IL1RAPL2: variants seen among roughly 807,000 people sequenced by gnomAD.
The protein encoded by IL1RAPL2 is X-linked interleukin-1 receptor accessory protein-like 2.
A neutral mutation model predicts 44.1 loss-of-function variants in IL1RAPL2; 3 were observed. That is an observed-to-expected ratio of 0.07 (90% confidence interval 0.03 to 0.18). IL1RAPL2 has a LOEUF of 0.18. Ranked by LOEUF, IL1RAPL2 falls within the 10% of genes least tolerant of loss-of-function variation. The pLI is 1.00. For missense variants in IL1RAPL2, 391 were observed against 496.4 expected (o/e 0.79, Z 2.02); for synonymous variants, 181 against 178.8 (o/e 1.01, Z -0.10).
At chrX:105,547,081 C>A (rs1446531929) in intron 6 of IL1RAPL2, among the ~76,000 whole-genome samples, 2 of 112,179 alleles carry the variant, frequency 1.8e-5, no homozygotes, top group Non-Finnish European at 3.8e-5. Flanking sequence ...ATACCTCCTG[C>A]AGTCTGTACA....
At chrX:104,936,135 A>G (rs780077054) in intron 2 of IL1RAPL2, among the ~76,000 whole-genome samples, 166 of 111,617 alleles carry the variant, frequency 1.5e-3, no homozygotes, top group Middle Eastern at 9.2e-3. Flanking sequence ...TTTCAAAAGC[A>G]CCATTACCTG....
At chrX:104,922,756 A>T (rs1053629054) in intron 2 of IL1RAPL2, among the ~76,000 whole-genome samples, 2 of 111,743 alleles carry the variant, frequency 1.8e-5, no homozygotes, top group East Asian at 5.7e-4. Context: ...ATGAAAAAAC[A>T]TAACGTTTTG....
chrX:105,233,765 A>G (rs781835243), intron 3 of IL1RAPL2, 53 bp from the exon 4 acceptor site: 237 of 1,013,529 alleles, frequency 2.3e-4, no homozygotes, highest in Non-Finnish European at 3.1e-4. Context: ...TAGAGCACAA[A>G]CAAAGTTGTA....
At chrX:105,544,006 G>A (rs1380744450) in intron 6 of IL1RAPL2, among the ~76,000 whole-genome samples, 1 of 111,713 alleles carries the variant, frequency 9.0e-6, no homozygotes, top group Non-Finnish European at 1.9e-5. Flanking sequence ...TCATTTTGGG[G>A]AAAATTGCCA....
At chrX:104,672,544 C>G (rs1187048904) in intron 2 of IL1RAPL2, among the ~76,000 whole-genome samples, 1 of 103,593 alleles carries the variant, frequency 9.7e-6, no homozygotes, top group African/African-American at 3.5e-5. Flanking sequence ...GTGAATAATG[C>G]CGCAATAAAC....
At chrX:105,531,854 A>G (rs2036639246) in intron 6 of IL1RAPL2, among the ~76,000 whole-genome samples, 2 of 111,746 alleles carry the variant, frequency 1.8e-5, no homozygotes, top group South Asian at 7.5e-4. Flanking sequence ...TTTTCCAGCA[A>G]CAGGTTCACT....
chrX:105,224,256 T>A (rs782705935), intron 3 of IL1RAPL2, among the ~76,000 whole-genome samples: 3 of 110,711 alleles, frequency 2.7e-5, no homozygotes, highest in Non-Finnish European at 5.7e-5. Context: ...TAAGGAGAAA[T>A]TTGGAAGGTA....
chrX:105,347,512 G>T (rs1230814323), intron 5 of IL1RAPL2, among the ~76,000 whole-genome samples: 1 of 108,884 alleles, frequency 9.2e-6, no homozygotes. Flanking sequence ...TTTTTTGTTG[G>T]AGTATTGTAA....
At chrX:105,735,617 A>AT (rs2038441267) in intron 7 of IL1RAPL2, among the ~76,000 whole-genome samples, 1 of 111,271 alleles carries the variant, frequency 9.0e-6, no homozygotes, top group Non-Finnish European at 1.9e-5. Context: ...TTTCTTAAGC[A>AT]TTTTTTGGAT....
intron 2 of IL1RAPL2, among the ~76,000 whole-genome samples, chrX:105,025,377 A>C (rs1305532597): frequency 2.7e-5 from 3 of 111,448 alleles, no homozygotes; most frequent in Non-Finnish European, 5.7e-5. Context: ...TGCCCTCTAA[A>C]TAATTAGACT....
At chrX:105,188,710 A>G (rs2033610555) in intron 2 of IL1RAPL2, among the ~76,000 whole-genome samples, 1 of 112,217 alleles carries the variant, frequency 8.9e-6, no homozygotes, top group African/African-American at 3.2e-5. Flanking sequence ...TTCATAAAAT[A>G]TGTAAACTGA....
intron 5 of IL1RAPL2, among the ~76,000 whole-genome samples, chrX:105,342,270 T>C (rs113362977): frequency 0.13 from 14,384 of 110,058 alleles, 2,306 homozygotes; most frequent in African/African-American, 0.45. Flanking sequence ...GTAACAAACC[T>C]GCACGTTGTG....
intron 4 of IL1RAPL2, among the ~76,000 whole-genome samples, chrX:105,247,582 AGT>A (rs201231418): frequency 0.023 from 2,125 of 92,550 alleles, 71 homozygotes; most frequent in African/African-American, 0.099. Context: ...ATAGAATAGA[AGT>A]GTGTGTGTAT....
chrX:105,181,804 C>G (rs1301159893), intron 2 of IL1RAPL2, among the ~76,000 whole-genome samples: 1 of 111,104 alleles, frequency 9.0e-6, no homozygotes, highest in East Asian at 2.8e-4. Flanking sequence ...GTGGCTCACG[C>G]CTGTAATCCC....
chrX:104,890,425 G>A (rs888250853), intron 2 of IL1RAPL2, among the ~76,000 whole-genome samples: 1 of 111,592 alleles, frequency 9.0e-6, no homozygotes, highest in African/African-American at 3.3e-5. Flanking sequence ...CAGTGTAAAA[G>A]TGTTCCTATT....
intron 5 of IL1RAPL2, among the ~76,000 whole-genome samples, chrX:105,483,544 T>C (rs1481100809): frequency 9.0e-6 from 1 of 111,388 alleles, no homozygotes; most frequent in Non-Finnish European, 1.9e-5. Flanking sequence ...ATTTTCTCCA[T>C]CCCTTAAGTT....
chrX:104,769,720 C>G (rs1441300234), intron 2 of IL1RAPL2, among the ~76,000 whole-genome samples: 1 of 111,706 alleles, frequency 9.0e-6, no homozygotes, highest in Non-Finnish European at 1.9e-5. Flanking sequence ...TTATGTTGTC[C>G]AGTTGTGTAT....
rs937019332 is a variant in IL1RAPL2, at chrX:104,938,513, A to C, written c.83-256962A>C. On this transcript the variant is annotated intron_variant, in intron 2 of 10. Coordinates refer to ENST00000372582, the MANE Select transcript of IL1RAPL2 (RefSeq NM_017416.2). Reference sequence around the variant, plus strand: ...CAAATATCTTCAATATTATGAATGCAGATTTGTTAAATTACGGGTGATAAA... The same window carrying C: ...CAAATATCTTCAATATTATGAATGCCGATTTGTTAAATTACGGGTGATAAA... Among the ~76,000 whole-genome samples the C allele has an allele frequency of 2.7e-5, 3 of 111,802 alleles. No individual in the cohort carries two copies. In the East Asian group the frequency reaches 8.4e-4, roughly 31 times the overall value.
intron 2 of IL1RAPL2, among the ~76,000 whole-genome samples, chrX:104,766,410 T>TC (rs1932555166): frequency 9.2e-6 from 1 of 108,956 alleles, no homozygotes; most frequent in African/African-American, 3.3e-5. Flanking sequence ...TGCCTGCCTT[T>TC]CTTCCCTCCT....
Sources: gnomAD v4.1 joint callset for allele counts (sites outside exome capture counted in the v4.1 genomes callset) on GRCh38, gnomAD v4.1.1 for gene constraint, MANE v1.5 for transcripts, NCBI Gene and HGNC (gene_info 2026-07-23, HGNC 2026-07-21) for gene names.